DPP10: variants seen among roughly 807,000 people sequenced by gnomAD.
DPP10 encodes inactive dipeptidyl peptidase 10.
Under a neutral mutation model 120.9 loss-of-function variants are expected in DPP10, and 33 were observed. That is an observed-to-expected ratio of 0.27 (90% CI 0.21 to 0.37). DPP10 has a LOEUF of 0.37. Among genes scored for constraint, DPP10 ranks in the 10% least tolerant of loss-of-function variants. DPP10 has a pLI of 1.00. For missense variants in DPP10, 816 were observed against 942.8 expected (o/e 0.87, Z 1.76); for synonymous variants, 337 against 326.1 (o/e 1.03, Z -0.36).
intron 21 of DPP10, among the ~76,000 whole-genome samples, chr2:115,817,370 AACCT>A: frequency 6.6e-6 from 1 of 152,352 alleles, no homozygotes; most frequent in East Asian, 1.9e-4. Flanking sequence ...ATTCATAAGT[AACCT>A]AGAGATCCAT....
intron 1 of DPP10, among the ~76,000 whole-genome samples, chr2:115,169,465 T>G (rs1441887218): frequency 6.6e-6 from 1 of 152,164 alleles, no homozygotes; most frequent in Non-Finnish European, 1.5e-5. Context: ...ATATTTATGA[T>G]CTAAATGCTA....
At chr2:115,096,515 C>T (rs1285506293) in intron 1 of DPP10, among the ~76,000 whole-genome samples, 1 of 152,012 alleles carries the variant, frequency 6.6e-6, no homozygotes, top group Non-Finnish European at 1.5e-5. Flanking sequence ...GGAATAAAAG[C>T]CACTAGTCAG....
intron 17 of DPP10, among the ~76,000 whole-genome samples, chr2:115,790,680 T>A (rs1313946532): frequency 2.0e-5 from 3 of 152,190 alleles, no homozygotes; most frequent in Admixed American, 2.0e-4. Flanking sequence ...CTCATGCTTT[T>A]TCTACCTTAT....
chr2:115,733,595 A>G (rs1182411208), intron 8 of DPP10, among the ~76,000 whole-genome samples: 4 of 152,136 alleles, frequency 2.6e-5, no homozygotes, highest in African/African-American at 9.7e-5. Context: ...AAATTGAAAA[A>G]AAAAAAAAAA....
chr2:115,631,605 A>C (rs534018489), intron 5 of DPP10, among the ~76,000 whole-genome samples: 4 of 152,008 alleles, frequency 2.6e-5, no homozygotes, highest in Admixed American at 6.6e-5. Context: ...ATTTTGATAC[A>C]TTGTCTCTTT....
chr2:114,855,292 A>G (rs1403103354), intron 1 of DPP10, among the ~76,000 whole-genome samples: 1 of 152,356 alleles, frequency 6.6e-6, no homozygotes, highest in South Asian at 2.1e-4. Context: ...CATCTAATAT[A>G]TATTATCCAA....
intron 1 of DPP10, among the ~76,000 whole-genome samples, chr2:114,995,092 T>A (rs1700994338): frequency 6.6e-6 from 1 of 152,326 alleles, no homozygotes; most frequent in East Asian, 1.9e-4. Flanking sequence ...AGCTTGTATA[T>A]TGAGGCTTCT....
intron 1 of DPP10, among the ~76,000 whole-genome samples, chr2:115,200,621 T>G (rs897240704): frequency 6.6e-6 from 1 of 152,250 alleles, no homozygotes; most frequent in African/African-American, 2.4e-5. Context: ...ACCTGTTTAC[T>G]CTGCTAACCT....
intron 1 of DPP10, among the ~76,000 whole-genome samples, chr2:115,300,226 T>C (rs887258027): frequency 2.0e-5 from 3 of 152,070 alleles, no homozygotes; most frequent in Non-Finnish European, 4.4e-5. Flanking sequence ...TAACTTCCCA[T>C]TTTTTCCTCT....
At chr2:114,953,497 T>G (rs1452959623) in intron 1 of DPP10, among the ~76,000 whole-genome samples, 2 of 152,114 alleles carry the variant, frequency 1.3e-5, no homozygotes, top group Non-Finnish European at 2.9e-5. Flanking sequence ...TGTGCGTGTG[T>G]GTGTGTACAT....
At chr2:114,472,769 T>C (rs761150939) in intron 1 of DPP10, among the ~76,000 whole-genome samples, 3 of 152,204 alleles carry the variant, frequency 2.0e-5, no homozygotes, top group African/African-American at 4.8e-5. Flanking sequence ...TTTGTTTTTA[T>C]TCTATTTGTG....
intron 1 of DPP10, among the ~76,000 whole-genome samples, chr2:114,443,849 T>C (rs898076400): frequency 6.6e-6 from 1 of 152,184 alleles, no homozygotes. Flanking sequence ...TTTTGGTTTA[T>C]GTCTCAGGCC....
At chr2:115,026,138 T>C (rs950753120) in intron 1 of DPP10, among the ~76,000 whole-genome samples, 3 of 152,188 alleles carry the variant, frequency 2.0e-5, no homozygotes, top group Non-Finnish European at 4.4e-5. Flanking sequence ...TTTCTTTTAG[T>C]AGTTTCATAG....
intron 1 of DPP10, among the ~76,000 whole-genome samples, chr2:114,793,695 G>A (rs368868239): frequency 3.9e-5 from 6 of 152,002 alleles, no homozygotes; most frequent in Non-Finnish European, 5.9e-5. Flanking sequence ...TTTGGCCATC[G>A]GCAAATTAGA....
intron 5 of DPP10, among the ~76,000 whole-genome samples, chr2:115,546,733 T>C (rs1458161134): frequency 6.6e-6 from 1 of 152,092 alleles, no homozygotes; most frequent in Admixed American, 6.6e-5. Context: ...GGGAGTGTTA[T>C]TTGAGGAACT....
At chr2:114,796,475 T>C (rs1356202565) in intron 1 of DPP10, among the ~76,000 whole-genome samples, 1 of 151,786 alleles carries the variant, frequency 6.6e-6, no homozygotes, top group Admixed American at 6.6e-5. Flanking sequence ...TAGTATATAA[T>C]ATATATATAA....
chr2:115,834,453 A>T (rs1000737107), intron 21 of DPP10, among the ~76,000 whole-genome samples: 7 of 152,086 alleles, frequency 4.6e-5, no homozygotes, highest in Non-Finnish European at 8.8e-5. Flanking sequence ...AAAGAACATT[A>T]CTGAGAGTAG....
chr2:114,981,918 G>A (rs1694005237), intron 1 of DPP10, among the ~76,000 whole-genome samples: 1 of 151,776 alleles, frequency 6.6e-6, no homozygotes, highest in Admixed American at 6.6e-5. Flanking sequence ...TTTTGAGACA[G>A]GGTCTCACTC....
intron 1 of DPP10, among the ~76,000 whole-genome samples, chr2:114,848,146 C>A (rs983502975): frequency 1.3e-5 from 2 of 152,130 alleles, no homozygotes; most frequent in Admixed American, 6.6e-5. Flanking sequence ...TAAAACAGAA[C>A]ATAGATGAAT....
Sources: gnomAD v4.1 joint callset for allele counts (sites outside exome capture counted in the v4.1 genomes callset) on GRCh38, gnomAD v4.1.1 for gene constraint, MANE v1.5 for transcripts, NCBI Gene and HGNC (gene_info 2026-07-23, HGNC 2026-07-21) for gene names.